Variants in KIRREL3 observed in about 807,000 individuals in gnomAD.
KIRREL3 encodes the protein kirre like nephrin family adhesion molecule 3, also known as kin of IRRE-like protein 3.
KIRREL3 carries 36 observed loss-of-function variants against 89.7 expected under a neutral mutation model. The ratio of observed to expected loss-of-function variants is 0.40; its 90% CI spans 0.31 to 0.53. KIRREL3 has a LOEUF of 0.53. Ranked by LOEUF, KIRREL3 falls within the 20% of genes least tolerant of loss-of-function variation. KIRREL3 has a pLI of 0.49. For missense variants in KIRREL3, 864 were observed against 1,056.6 expected, an observed-to-expected ratio of 0.82 and a Z score of 2.53; for synonymous variants, 445 against 441.4, an observed-to-expected ratio of 1.01 and a Z score of -0.10.
chr11:126,727,662 A>T (rs886913478), intron 1 of KIRREL3, among the ~76,000 whole-genome samples: 8 of 152,142 alleles, frequency 5.3e-5, no homozygotes, highest in Non-Finnish European at 1.0e-4. Flanking sequence ...CCTTCTTCTA[A>T]TCTCTCTGCC....
rs1957499187 is a variant in KIRREL3 at position 126,491,101 on chromosome 11, C to T, written c.434-17635G>A. Among the ~76,000 whole-genome samples, 1 of 152,186 alleles carries T rather than the reference C, an allele frequency of 6.6e-6. No individual in the cohort carries two copies. Among genetic ancestry groups the T allele is most frequent in the Non-Finnish European group, 1.5e-5 (1 of 68,038 alleles). ...GGGAGGGCTTCAGATAATCCTGAAA[C>T]CGGAATCCCAAAGACAAGCCCTGAG... On this transcript the variant is annotated intron_variant, in intron 4 of 16. Coordinates refer to ENST00000525144, the MANE Select transcript of KIRREL3 (RefSeq NM_032531.4). This position sits in a 1 kb window ranked among gnomAD's most constrained non-coding sequence, Gnocchi z 5.5.
At position 126,558,454 on chromosome 11, in the gene KIRREL3, G is replaced by T. The variant is rs989482531; in HGVS notation, c.133+4381C>A. The stretch of plus-strand genomic sequence containing the variant: ...GTTAGAGGCTTTCCCTCTGCTCATG[G>T]TCTCAGCCTCCTCTTCCAGAAGTCT... On this transcript the variant is annotated intron_variant, in intron 2 of 16. Coordinates refer to ENST00000525144, the MANE Select transcript of KIRREL3 (RefSeq NM_032531.4). This position sits in a 1 kb window ranked among gnomAD's most constrained non-coding sequence, Gnocchi z 4.0. Among the ~76,000 whole-genome samples the T allele has an allele frequency of 6.6e-6, 1 of 151,666 alleles. No homozygotes were observed. Among genetic ancestry groups the T allele is most frequent in the African/African-American group, 2.4e-5 (1 of 40,972 alleles).
chr11:126,451,240 T>G (rs62651049), intron 7 of KIRREL3, among the ~76,000 whole-genome samples: 11,932 of 143,858 alleles, frequency 0.083, 1,612 homozygotes, highest in African/African-American at 0.29. Context: ...CATGTGTACA[T>G]GTGTGAGCAT....
intron 1 of KIRREL3, among the ~76,000 whole-genome samples, chr11:126,706,648 C>G (rs1947538197): frequency 1.3e-5 from 2 of 152,314 alleles, no homozygotes; most frequent in South Asian, 4.1e-4. Context: ...GAGATATGCT[C>G]AAACCTTTCA....
intron 1 of KIRREL3, among the ~76,000 whole-genome samples, chr11:126,939,912 G>C (rs1166258824): frequency 6.6e-6 from 1 of 152,122 alleles, no homozygotes; most frequent in South Asian, 2.1e-4. Context: ...GGTTCATACA[G>C]GGGCCTTGGG....
intron 1 of KIRREL3, among the ~76,000 whole-genome samples, chr11:126,882,255 C>T (rs1024672822): frequency 2.6e-5 from 4 of 152,174 alleles, no homozygotes; most frequent in African/African-American, 9.7e-5. Flanking sequence ...TCTCCTTCTC[C>T]TTTAGATTAA....
Position 126,802,629 on chromosome 11 carries a change from C to T in KIRREL3, c.55+197826G>A, listed in dbSNP as rs985113172. Among the ~76,000 whole-genome samples the T allele has an allele frequency of 2.0e-4, 30 of 152,058 alleles. No individual in the cohort carries two copies. The highest frequency in any genetic ancestry group is 1.6e-4 in the Non-Finnish European group (11 of 68,018). On this transcript the variant is annotated intron_variant, in intron 1 of 16. Coordinates refer to ENST00000525144, the MANE Select transcript of KIRREL3 (RefSeq NM_032531.4). The surrounding 1 kb of genome is among the most constrained non-coding windows in gnomAD (Gnocchi z 5.2). ...ACCCTGCGATGGGAGGGTGTCCTGT[C>T]GGGGGCTGGCTCCCGCCTGGCACCC...
In KIRREL3 at chr11:126,456,057, T is replaced by TTTTTTTTTC. The variant is rs147218473; in HGVS notation, c.848+291_848+292insGAAAAAAAA. On this transcript the variant is annotated intron_variant, in intron 7 of 16. Coordinates refer to ENST00000525144, the MANE Select transcript of KIRREL3 (RefSeq NM_032531.4). ...TGTTTTCGTTTTTTTTTTTTTTTTT[T>TTTTTTTTTC]CCTGAGCCTTTTCCCCATGTTTGGA... Among the ~76,000 whole-genome samples, 503 of 109,728 alleles carry TTTTTTTTTC rather than the reference T, an allele frequency of 4.6e-3. 32 individuals carry two copies. Among genetic ancestry groups the TTTTTTTTTC allele is most frequent in the Middle Eastern group, 0.012 (2 of 170 alleles). The allele number at this position is 109,728 out of a possible 152,430, so 72.0% of individuals were successfully genotyped here. A position where few individuals can be genotyped will look rare whatever the true frequency, so the allele number is the denominator to read the frequency against.
chr11:126,920,865 T>C (rs1233536761), intron 1 of KIRREL3, among the ~76,000 whole-genome samples: 2 of 152,204 alleles, frequency 1.3e-5, no homozygotes, highest in African/African-American at 4.8e-5. Flanking sequence ...TGCTGAGAGC[T>C]GCTAGACAAA....
At chr11:126,478,219 G>A (rs1019705777) in intron 4 of KIRREL3, among the ~76,000 whole-genome samples, 3 of 152,150 alleles carry the variant, frequency 2.0e-5, no homozygotes, top group African/African-American at 4.8e-5. Context: ...GGCTCTTCCC[G>A]TCAATGAAGG....
intron 4 of KIRREL3, among the ~76,000 whole-genome samples, chr11:126,500,365 G>A (rs564558703): frequency 1.3e-5 from 2 of 152,288 alleles, no homozygotes; most frequent in East Asian, 3.9e-4. Flanking sequence ...CACTATGTAG[G>A]GCAGCCTGGA....
intron 1 of KIRREL3, among the ~76,000 whole-genome samples, chr11:126,986,719 C>A (rs770440671): frequency 3.3e-5 from 5 of 152,120 alleles, no homozygotes; most frequent in Non-Finnish European, 7.4e-5. Context: ...TAGGTATGAC[C>A]TTATCGTAAG....
rs1051215221 is a variant in KIRREL3, at chr11:126,687,521, A to G, written c.56-124609T>C. Among the ~76,000 whole-genome samples, 1 of 152,234 alleles carries G rather than the reference A, an allele frequency of 6.6e-6. No homozygotes were observed. Among genetic ancestry groups the G allele is most frequent in the Non-Finnish European group, 1.5e-5 (1 of 68,044 alleles). On this transcript the variant is annotated intron_variant, in intron 1 of 16. Coordinates refer to ENST00000525144, the MANE Select transcript of KIRREL3 (RefSeq NM_032531.4). This position sits in a 1 kb window ranked among gnomAD's most constrained non-coding sequence, Gnocchi z 4.6. Reference sequence around the variant, plus strand: ...CCATGGAGCTGCTAGTTCTGGAAACACTATGGGGGAAATTGCAGGGTTTTC... The same window carrying G: ...CCATGGAGCTGCTAGTTCTGGAAACGCTATGGGGGAAATTGCAGGGTTTTC...
In KIRREL3 at chr11:126,579,491, A is replaced by G. The variant is rs116580337; in HGVS notation, c.56-16579T>C. On this transcript the variant is annotated intron_variant, in intron 1 of 16. Coordinates refer to ENST00000525144, the MANE Select transcript of KIRREL3 (RefSeq NM_032531.4). The surrounding 1 kb of genome is among the most constrained non-coding windows in gnomAD (Gnocchi z 5.3). ...GTCCCCAGGAACCACTCTCTAATTT[A>G]ACGAATAACTTCTCTCATGAGCAAA... 0.019 allele frequency among the ~76,000 whole-genome samples: 2,868 copies of G among 152,212 alleles called. 83 individuals are homozygous for G. The highest frequency in any genetic ancestry group is 0.066 in the African/African-American group (2,739 of 41,530).
intron 4 of KIRREL3, among the ~76,000 whole-genome samples, chr11:126,488,258 T>A (rs1042297478): frequency 6.6e-6 from 1 of 152,182 alleles, no homozygotes; most frequent in Non-Finnish European, 1.5e-5. Flanking sequence ...GGCCCCTGCA[T>A]CTCCAGCCCT....
chr11:126,879,684 T>C lies in KIRREL3; in HGVS notation c.55+120771A>G, dbSNP rs1945422214. The stretch of plus-strand genomic sequence containing the variant: ...CAAAAGAATGGAGAGATAGCCTTGA[T>C]ATTTGTGGTTCAGTCATTTAACCTT... On this transcript the variant is annotated intron_variant, in intron 1 of 16. Transcript: ENST00000525144. The surrounding 1 kb of genome is among the most constrained non-coding windows in gnomAD (Gnocchi z 5.4). Among the ~76,000 whole-genome samples, 1 of 152,220 alleles carries C rather than the reference T, an allele frequency of 6.6e-6. No individual in the cohort carries two copies. Among genetic ancestry groups the C allele is most frequent in the Non-Finnish European group, 1.5e-5 (1 of 68,048 alleles).
rs1949891529 is a variant in KIRREL3, at chr11:126,987,188, AG to A, written c.55+13266del. On this transcript the variant is annotated intron_variant, in intron 1 of 16. Coordinates refer to ENST00000525144, the MANE Select transcript of KIRREL3 (RefSeq NM_032531.4). This position sits in a 1 kb window ranked among gnomAD's most constrained non-coding sequence, Gnocchi z 4.6. ...ATAATTACCTGTCAGGAACACGCAA[AG>A]GGAGTCTACACCTAGAATTAAGGGG... 1.3e-5 allele frequency among the ~76,000 whole-genome samples: 2 copies of A among 152,072 alleles called. No individual in the cohort carries two copies. Among genetic ancestry groups the A allele is most frequent in the African/African-American group, 4.8e-5 (2 of 41,382 alleles).
At position 126,682,709 on chromosome 11, in the gene KIRREL3, C is replaced by T. The variant is rs546238931; in HGVS notation, c.56-119797G>A. 1.4e-4 allele frequency among the ~76,000 whole-genome samples: 21 copies of T among 152,100 alleles called. No homozygotes were observed. Among genetic ancestry groups the T allele is most frequent in the Non-Finnish European group, 2.6e-4 (18 of 68,028 alleles). On this transcript the variant is annotated intron_variant, in intron 1 of 16. Transcript: ENST00000525144. The surrounding 1 kb of genome is among the most constrained non-coding windows in gnomAD (Gnocchi z 4.8). ...CACAGCACACAGCCTAGATCCATCA[C>T]ATGCGCAGTTCACAACAGGGCTGGT... is the stretch of plus-strand genomic sequence containing the variant.
Position 126,509,772 on chromosome 11 carries a change from A to C in KIRREL3, c.433+11543T>G, listed in dbSNP as rs571223199. Among the ~76,000 whole-genome samples the C allele has an allele frequency of 4.3e-4, 66 of 152,146 alleles. 1 individual carries two copies. In the Middle Eastern group the frequency reaches 0.01, roughly 24 times the overall value. ...GCACTTTGGGAGGCCAAGGCGGGGG[A>C]ATCACCTGAGGTCAGGAGTTCAAGA... On this transcript the variant is annotated intron_variant, in intron 4 of 16. Transcript: ENST00000525144.
Sources: gnomAD v4.1 joint callset for allele counts (sites outside exome capture counted in the v4.1 genomes callset) on GRCh38, gnomAD v4.1.1 for gene constraint, Gnocchi (gnomAD v3.1) non-coding constraint, MANE v1.5 for transcripts, NCBI Gene and HGNC (gene_info 2026-07-23, HGNC 2026-07-21) for gene names.